FAM78B: variants seen among roughly 807,000 people sequenced by gnomAD.
FAM78B encodes the protein protein FAM78B.
In FAM78B, 10 loss-of-function variants were observed where a neutral mutation model predicts 20.0. The observed-to-expected ratio is 0.50, with a 90% CI of 0.31 to 0.85. The LOEUF (loss-of-function observed/expected upper bound fraction) is 0.85, where lower values mean the gene tolerates loss of function less well. FAM78B is among the 40% of genes least tolerant of loss of function. The pLI is 0.05. For missense variants in FAM78B, 283 were observed against 345.0 expected (o/e 0.82, Z 1.42); for synonymous variants, 135 against 132.8 (o/e 1.02, Z -0.12).
chr1:166,165,859 G>A (rs113739137), intron 1 of FAM78B, 127 bp downstream of exon 1: 1 of 1,079,650 alleles, frequency 9.3e-7, no homozygotes, highest in Non-Finnish European at 1.3e-6. Context: ...GGTGGGAGAG[G>A]AGGCGGGAGG....
chr1:166,165,156 T>C (rs12136704), intron 1 of FAM78B: 31,649 of 152,258 alleles, frequency 0.21, 3,903 homozygotes, highest in South Asian at 0.4. Context: ...AGCTCGCCGA[T>C]AGAATTCGGC....
intron 1 of FAM78B, chr1:166,165,050 C>A (rs1656307868): frequency 6.6e-6 from 1 of 152,162 alleles, no homozygotes; most frequent in Non-Finnish European, 1.5e-5. Flanking sequence ...GCCTGCGGCC[C>A]CTGGCGGTTG....
chr1:166,086,708 A>G (rs1225349573), intron 1 of FAM78B, among the ~76,000 whole-genome samples: 1 of 152,194 alleles, frequency 6.6e-6, no homozygotes, highest in Non-Finnish European at 1.5e-5. Context: ...CAGGAGATAT[A>G]AAGATGCTGG....
At position 166,084,251 on chromosome 1, in the gene FAM78B, T is replaced by A. The variant is rs1199084743; in HGVS notation, c.264-13488A>T. 9.1e-4 allele frequency among the ~76,000 whole-genome samples: 131 copies of A among 144,298 alleles called. 1 individual carries two copies. The highest frequency in any genetic ancestry group is 1.9e-3 in the South Asian group (9 of 4,766). 94.7% of individuals were successfully genotyped at this position (144,298 alleles called of 152,430 possible). A position where few individuals can be genotyped will look rare whatever the true frequency, so the allele number is the denominator to read the frequency against. ...CACACACACACACTCTCTCTCTCTC[T>A]CTCTCTCTCTCTCTTTCTCTCTCTC... On this transcript the variant is annotated intron_variant, in intron 1 of 1. Coordinates refer to ENST00000354422, the MANE Select transcript of FAM78B (RefSeq NM_001017961.5).
intron 1 of FAM78B, among the ~76,000 whole-genome samples, chr1:166,086,248 C>T (rs1652823631): frequency 6.6e-6 from 1 of 152,140 alleles, no homozygotes; most frequent in Middle Eastern, 3.2e-3. Context: ...CAGTACTGAC[C>T]CAGGTCCTCT....
intron 1 of FAM78B, among the ~76,000 whole-genome samples, chr1:166,163,083 T>G (rs992254357): frequency 6.6e-6 from 1 of 152,184 alleles, no homozygotes; most frequent in Non-Finnish European, 1.5e-5. Flanking sequence ...TCCTTTTTCT[T>G]TGGTGCTGCT....
intron 1 of FAM78B, among the ~76,000 whole-genome samples, chr1:166,137,873 C>CATGCAGGA (rs1655126081): frequency 1.3e-5 from 2 of 152,228 alleles, no homozygotes; most frequent in Admixed American, 6.5e-5. Context: ...TACATCCCCA[C>CATGCAGGA]ATGCAGGAAT....
chr1:166,099,832 A>G (rs1653439368), intron 1 of FAM78B, among the ~76,000 whole-genome samples: 1 of 152,208 alleles, frequency 6.6e-6, no homozygotes, highest in Non-Finnish European at 1.5e-5. Context: ...ATGGTAGGGG[A>G]CTTGAATATT....
intron 1 of FAM78B, among the ~76,000 whole-genome samples, chr1:166,160,383 C>A (rs138465486): frequency 6.6e-6 from 1 of 152,200 alleles, no homozygotes; most frequent in Non-Finnish European, 1.5e-5. Flanking sequence ...TGGGTACACA[C>A]TGAATGCCAC....
At chr1:166,142,388 G>A (rs573216015) in intron 1 of FAM78B, among the ~76,000 whole-genome samples, 5 of 152,330 alleles carry the variant, frequency 3.3e-5, no homozygotes, top group African/African-American at 1.2e-4. Context: ...GCTGAGGCTA[G>A]GACACGGGGC....
intron 1 of FAM78B, among the ~76,000 whole-genome samples, chr1:166,131,392 C>T (rs1202284379): frequency 6.6e-6 from 1 of 152,160 alleles, no homozygotes; most frequent in Non-Finnish European, 1.5e-5. Flanking sequence ...AGGCCCATCC[C>T]AGTACACCAG....
chr1:166,056,847 C>T (rs1050621768), downstream of FAM78B, among the ~76,000 whole-genome samples: 1 of 152,164 alleles, frequency 6.6e-6, no homozygotes, highest in African/African-American at 2.4e-5. Flanking sequence ...ATTTGTATCC[C>T]CCACAAATTC....
chr1:166,083,645 C>T (rs1004895148), intron 1 of FAM78B, among the ~76,000 whole-genome samples: 1 of 152,204 alleles, frequency 6.6e-6, no homozygotes, highest in Admixed American at 6.5e-5. Flanking sequence ...GCTAGGACTA[C>T]ACGTGCGTGC....
At chr1:166,111,779 A>C (rs1654067156) in intron 1 of FAM78B, among the ~76,000 whole-genome samples, 1 of 152,250 alleles carries the variant, frequency 6.6e-6, no homozygotes, top group African/African-American at 2.4e-5. Flanking sequence ...AGCACTCAGC[A>C]AATATGCATT....
At chr1:166,097,923 C>T (rs896486185) in intron 1 of FAM78B, among the ~76,000 whole-genome samples, 1 of 152,196 alleles carries the variant, frequency 6.6e-6, no homozygotes, top group Non-Finnish European at 1.5e-5. Flanking sequence ...AGGAAGCCAA[C>T]CAGCACAAAA....
At chr1:166,067,911 T>C (rs1188521258), downstream of FAM78B, among the ~76,000 whole-genome samples, 1 of 152,200 alleles carries the variant, frequency 6.6e-6, no homozygotes, top group African/African-American at 2.4e-5. Flanking sequence ...TGATTTTTCA[T>C]GGGAAACAAG....
chr1:166,088,780 A>C (rs1040464193), intron 1 of FAM78B, among the ~76,000 whole-genome samples: 1 of 152,136 alleles, frequency 6.6e-6, no homozygotes, highest in Admixed American at 6.5e-5. Context: ...CAGAGGGGGC[A>C]GACACTGGGT....
At chr1:166,077,788 C>A (rs1372885258) in intron 1 of FAM78B, among the ~76,000 whole-genome samples, 1 of 128,634 alleles carries the variant, frequency 7.8e-6, no homozygotes, top group Non-Finnish European at 1.6e-5. Flanking sequence ...ATAATAAATA[C>A]ATATAATTAT....
At chr1:166,091,629 T>A (rs1286088235) in intron 1 of FAM78B, among the ~76,000 whole-genome samples, 2 of 152,194 alleles carry the variant, frequency 1.3e-5, no homozygotes, top group African/African-American at 4.8e-5. Context: ...ATACAGATGG[T>A]ATCTCAAGCC....
Sources: gnomAD v4.1 joint callset for allele counts (sites outside exome capture counted in the v4.1 genomes callset) on GRCh38, gnomAD v4.1.1 for gene constraint, MANE v1.5 for transcripts, NCBI Gene and HGNC (gene_info 2026-07-23, HGNC 2026-07-21) for gene names.